GABRE: variants seen among roughly 807,000 people sequenced by gnomAD.
GABRE encodes gamma-aminobutyric acid type A receptor subunit epsilon.
A neutral mutation model predicts 31.0 loss-of-function variants in GABRE; 20 were observed. The ratio of observed to expected loss-of-function variants is 0.64; its 90% CI spans 0.45 to 0.94. GABRE has a LOEUF of 0.94. GABRE is among the 40% of genes least tolerant of loss of function. The pLI, the probability that GABRE is intolerant of heterozygous loss-of-function variation, is 0.00. For missense variants in GABRE, 420 were observed against 410.7 expected (o/e 1.02, Z -0.20); for synonymous variants, 155 against 150.6 (o/e 1.03, Z -0.21).
intron 6 of GABRE, 47 bp from the exon 7 acceptor site, chrX:151,955,907 G>A (rs1363797043): frequency 1.7e-6 from 2 of 1,167,907 alleles, no homozygotes; most frequent in Non-Finnish European, 2.3e-6. Context: ...TGACACGACG[G>A]TCCCCCTTAG....
intron 6 of GABRE, 24 bp from the exon 7 acceptor site, chrX:151,955,884 T>C (rs1435296616): frequency 1.7e-6 from 2 of 1,204,125 alleles, no homozygotes; most frequent in Admixed American, 2.2e-5. Context: ...AAAACATCAC[T>C]GCATTACAGT....
rs151160537 is a variant in GABRE, at chrX:151,955,778, G to A, written c.867C>T (p.Ser289=). 8.8e-5 allele frequency: 106 copies of A among 1,210,225 alleles called. No individual in the cohort carries two copies. Among genetic ancestry groups the A allele is most frequent in the African/African-American group, 8.0e-4 (46 of 57,267 alleles). Residue 289 remains serine (S), a synonymous_variant, in exon 7 of 9, where the codon TCC becomes TCT. Transcript: ENST00000370328. ...AAACCCAGGAGAGCATCGTGGTCAC[G>A]GAAGAAGGGACATAGTTTTGAAAGG... ...YVAFQNYVPS[S]VTTMLSWVSF... is the part of the protein sequence containing the mutation.
At chrX:151,956,007 G>A (rs1056931590) in intron 6 of GABRE, 147 bp from the exon 7 acceptor site, 2 of 562,678 alleles carry the variant, frequency 3.6e-6, no homozygotes, top group African/African-American at 4.7e-5. Flanking sequence ...ATACAAATAG[G>A]ACCAGAAGAA....
At chrX:151,961,510 G>T in intron 4 of GABRE, 145 bp from the exon 5 acceptor site, 1 of 443,356 alleles carries the variant, frequency 2.3e-6, no homozygotes, top group Non-Finnish European at 4.0e-6. Flanking sequence ...CTGTCACCCA[G>T]GCTGGAGGGC....
At chrX:151,970,435 C>T (rs746899960) in intron 1 of GABRE, 33 bp from the exon 2 acceptor site, 58 of 1,190,537 alleles carry the variant, frequency 4.9e-5, no homozygotes, top group Non-Finnish European at 6.4e-5. Context: ...GAAGCTCTGC[C>T]CTGCACTCTG....
chrX:151,972,057 C>T, intron 1 of GABRE: 1 of 753,310 alleles, frequency 1.3e-6, no homozygotes, highest in Non-Finnish European at 1.6e-6. Context: ...TTTTTTTAAG[C>T]CATAAGGCAA....
chrX:151,963,654 AC>A (rs771744595), intron 3 of GABRE, among the ~76,000 whole-genome samples: 2 of 112,529 alleles, frequency 1.8e-5, no homozygotes, highest in Non-Finnish European at 3.8e-5. Flanking sequence ...CATAGTCAAG[AC>A]TACTGGATTA....
intron 1 of GABRE, among the ~76,000 whole-genome samples, chrX:151,973,845 T>A (rs1048540706): frequency 9.0e-6 from 1 of 110,644 alleles, no homozygotes; most frequent in African/African-American, 3.3e-5. Flanking sequence ...CAGAGGAGAA[T>A]AATATTCCTG....
At position 151,960,330 on chromosome X, in the gene GABRE, C is replaced by T. The variant is rs180798718; in HGVS notation, c.647-354G>A. ...GGGGAAACAAAGTAGATAAAGGTCA[C>T]TTGGGGACATACTCAGAAAAGACTT... is the stretch of plus-strand genomic sequence containing the variant. On this transcript the variant is annotated intron_variant, in intron 5 of 8. Transcript: ENST00000370328. Among the ~76,000 whole-genome samples, 16 of 112,329 alleles carry T rather than the reference C, an allele frequency of 1.4e-4. No individual in the cohort carries two copies. In the East Asian group the frequency reaches 4.2e-3, roughly 29 times the overall value.
At chrX:151,961,454 G>C (rs1161594557) in intron 4 of GABRE, 89 bp from the exon 5 acceptor site, 1 of 573,887 alleles carries the variant, frequency 1.7e-6, no homozygotes, top group African/African-American at 2.3e-5. Context: ...CCAATGAATG[G>C]CCAGAGTCAA....
Position 151,959,823 on chromosome X carries a change from G to A in GABRE, c.784+16C>T, listed in dbSNP as rs1026207034. ...TACCACCTTCCTGGACTTCCGCCAA[G>A]CCCTGGCACGCTTACCAACTGGGGT... is the stretch of plus-strand genomic sequence containing the variant. On this transcript the variant is annotated intron_variant, in intron 6 of 8. Transcript: ENST00000370328. 3.3e-6 allele frequency: 4 copies of A among 1,206,161 alleles called. No individual in the cohort carries two copies. The highest frequency in any genetic ancestry group is 4.6e-4 in the Middle Eastern group (2 of 4,335).
At position 151,970,233 on chromosome X, in the gene GABRE, T is replaced by C; in HGVS notation, c.226A>G (p.Asn76Asp). 1.7e-6 allele frequency: 2 copies of C among 1,211,843 alleles called. No homozygotes were observed. The highest frequency in any genetic ancestry group is 2.2e-6 in the Non-Finnish European group (2 of 895,560). The change falls in exon 2 of 9, where the codon AAC (asparagine) becomes GAC (aspartate). Residue 76 changes from asparagine to aspartate, a missense_variant. Physicochemically the swap from Asn to Asp is conservative, Grantham distance 23. Coordinates refer to ENST00000370328, the MANE Select transcript of GABRE (RefSeq NM_004961.4). ...TGGTCATAATTACTCAGGATAGTGT[T>C]CAGGATGCGAGAGGCTTCTGGCAGT... is the stretch of plus-strand genomic sequence containing the variant. ...GKLPEASRILNTILSNYDHKL... is the reference protein window; with the variant it reads ...GKLPEASRILDTILSNYDHKL...
rs148237720 is a variant in GABRE at position 151,969,087 on chromosome X, G to C, written c.342+582C>G. On this transcript the variant is annotated intron_variant, in intron 3 of 8. Coordinates refer to ENST00000370328, the MANE Select transcript of GABRE (RefSeq NM_004961.4). ...GTGGTCTGGGAACACCAATATTCTA[G>C]TGTGACCAAAGCACGTGGTCTCTAA... is the stretch of plus-strand genomic sequence containing the variant. Among the ~76,000 whole-genome samples, 310 of 112,370 alleles carry C rather than the reference G, an allele frequency of 2.8e-3. 2 individuals carry two copies. The highest frequency in any genetic ancestry group is 9.5e-3 in the African/African-American group (294 of 30,901).
At position 151,959,926 on chromosome X, in the gene GABRE, C is replaced by T. The variant is rs762535985; in HGVS notation, c.697G>A (p.Glu233Lys). 8 of 1,207,876 alleles carry T rather than the reference C, an allele frequency of 6.6e-6. No individual in the cohort carries two copies. In the South Asian group the frequency reaches 1.2e-4, roughly 19 times the overall value. ...MIYKWENFKLEINEKNSWKLF... is the reference protein window; with the variant it reads ...MIYKWENFKLKINEKNSWKLF... The stretch of plus-strand genomic sequence containing the variant: ...TTCCAGGAGTTCTTCTCATTGATTT[C>T]AAGCTTGAAATTTTCCCACTTGTAG... Residue 233 changes from glutamate to lysine, a missense_variant, in exon 6 of 9, where the codon GAA becomes AAA. Glu to Lys is a moderately conservative substitution (Grantham distance 56). Coordinates refer to ENST00000370328, the MANE Select transcript of GABRE (RefSeq NM_004961.4).
chrX:151,955,048 C>A lies in GABRE; in HGVS notation c.1174G>T (p.Ala392Ser), dbSNP rs750973596. 1 of 1,202,419 alleles carries A rather than the reference C, an allele frequency of 8.3e-7. No individual in the cohort carries two copies. The highest frequency in any genetic ancestry group is 1.8e-5 in the South Asian group (1 of 55,000). ...TGGCGGGCACAGGCTCGGGAACGTG[C>A]ACGGGTACGGGCATGGGCACGGCTA... is the stretch of plus-strand genomic sequence containing the variant. ...INSRAHARTRARSRACARQHQ... is the reference protein window; with the variant it reads ...INSRAHARTRSRSRACARQHQ... Residue 392 changes from alanine to serine, a missense_variant, in exon 9 of 9, where the codon GCA (alanine) becomes TCA (serine). Transcript: ENST00000370328.
intron 6 of GABRE, 185 bp from the exon 7 acceptor site, chrX:151,956,045 C>A: frequency 2.2e-6 from 1 of 449,235 alleles, no homozygotes; most frequent in Non-Finnish European, 3.8e-6. Flanking sequence ...ACTGCAAGAC[C>A]AATGGCCAGT....
intron 3 of GABRE, among the ~76,000 whole-genome samples, chrX:151,963,323 A>G (rs1041017164): frequency 1.8e-5 from 2 of 112,257 alleles, no homozygotes; most frequent in African/African-American, 6.5e-5. Context: ...AAAAGTTTTC[A>G]GCTTCAACAA....
chrX:151,964,578 C>T (rs1934474728), intron 3 of GABRE, among the ~76,000 whole-genome samples: 1 of 111,630 alleles, frequency 9.0e-6, no homozygotes, highest in African/African-American at 3.3e-5. Context: ...TGTGATGCTA[C>T]TCCAGCCAGG....
At chrX:151,956,403 G>T in intron 6 of GABRE, 1 of 116,602 alleles carries the variant, frequency 8.6e-6, no homozygotes, top group Non-Finnish European at 1.8e-5. Context: ...CTCCACAGGT[G>T]GTCAAAACCG....
Sources: gnomAD v4.1 joint callset for allele counts (sites outside exome capture counted in the v4.1 genomes callset) on GRCh38, gnomAD v4.1.1 for gene constraint, MANE v1.5 for transcripts, NCBI Gene and HGNC (gene_info 2026-07-23, HGNC 2026-07-21) for gene names.